H1-7: variants seen among roughly 807,000 people sequenced by gnomAD.
H1-7 encodes the protein H1.7 linker histone, also known as testis-specific H1 histone.
In H1-7, 1 loss-of-function variant was observed where a neutral mutation model predicts 0.3. The observed-to-expected ratio is 3.06, with a 90% CI of 1.09 to 14.53. H1-7 has a LOEUF of 14.53. Among genes scored for constraint, H1-7 ranks in the 30% most tolerant of loss-of-function variants. H1-7 has a pLI of 0.12. For synonymous variants in H1-7, 177 were observed against 153.2 expected, an observed-to-expected ratio of 1.16 and a Z score of -1.15; for missense variants, 393 against 353.1, an observed-to-expected ratio of 1.11 and a Z score of -0.91.
Position 48,329,028 on chromosome 12 carries a change from T to C in H1-7, c.-264T>C. On this transcript the variant is annotated 5_prime_UTR_variant, in exon 1 of 1. Transcript: ENST00000335017. ...TGCAGGACCACATACACACACAAAA[T>C]AGCCGACTAAAGAAAGCGGTGGAGA... The C allele has an allele frequency of 8.8e-6, 4 of 454,600 alleles. No homozygotes were observed. Among genetic ancestry groups the C allele is most frequent in the Non-Finnish European group, 1.5e-5 (4 of 258,560 alleles). The allele number at this position is 454,600 out of a possible 1,614,324, so 28.2% of individuals were successfully genotyped here. A position where few individuals can be genotyped will look rare whatever the true frequency, so the allele number is the denominator to read the frequency against.
rs775913130 is a variant in H1-7 at position 48,329,587 on chromosome 12, C to T, written c.296C>T (p.Ala99Val). Residue 99 changes from alanine to valine, a missense_variant, in exon 1 of 1, where the codon GCG (alanine) becomes GTG (valine). Physicochemically the swap from Ala to Val is moderately conservative, Grantham distance 64. Transcript: ENST00000335017. ...EVRRKSGRHE[A>V]PRGQAKATLL... is the part of the protein sequence containing the mutation. ...CGCAGGAAGAGCGGCCGCCACGAAGCGCCCAGGGGGCAGGCCAAGGCCACG... is the reference window on the plus strand; with the variant it reads ...CGCAGGAAGAGCGGCCGCCACGAAGTGCCCAGGGGGCAGGCCAAGGCCACG... 57 of 1,612,882 alleles carry T rather than the reference C, an allele frequency of 3.5e-5. No individual in the cohort carries two copies. Among genetic ancestry groups the T allele is most frequent in the African/African-American group, 8.0e-5 (6 of 74,912 alleles).
At position 48,329,868 on chromosome 12, in the gene H1-7, A is replaced by C; in HGVS notation, c.577A>C (p.Arg193=). ...CAGGGCGAGGAGGACCAGGAGGGCAAGGCCGAGAGCCAAGGAGCCGCCGTG... is the reference window on the plus strand; with the variant it reads ...CAGGGCGAGGAGGACCAGGAGGGCACGGCCGAGAGCCAAGGAGCCGCCGTG... ...NARARRTRRA[R]PRAKEPPCAR... Residue 193 remains arginine (R), a synonymous_variant, in exon 1 of 1, where the codon AGG becomes CGG. Coordinates refer to ENST00000335017, the MANE Select transcript of H1-7 (RefSeq NM_181788.1). 6.3e-7 allele frequency: 1 copy of C among 1,589,398 alleles called. No individual in the cohort carries two copies.
Position 48,329,010 on chromosome 12 carries a change from C to G in H1-7, c.-282C>G, listed in dbSNP as rs547781096. ...AACTGTGGGTAGATGGTTTGCAGGACCACATACACACACAAAATAGCCGAC... is the reference window on the plus strand; with the variant it reads ...AACTGTGGGTAGATGGTTTGCAGGAGCACATACACACACAAAATAGCCGAC... On this transcript the variant is annotated 5_prime_UTR_variant, in exon 1 of 1. Coordinates refer to ENST00000335017, the MANE Select transcript of H1-7 (RefSeq NM_181788.1). 2 of 403,840 alleles carry G rather than the reference C, an allele frequency of 5.0e-6. No individual in the cohort carries two copies. The highest frequency in any genetic ancestry group is 4.2e-5 in the African/African-American group (2 of 47,952). The allele number at this position is 403,840 out of a possible 1,614,324, so 25.0% of individuals were successfully genotyped here.
At position 48,329,878 on chromosome 12, in the gene H1-7, C is replaced by A; in HGVS notation, c.587C>A (p.Ala196Asp). 6.3e-7 allele frequency: 1 copy of A among 1,589,570 alleles called. No individual in the cohort carries two copies. The highest frequency in any genetic ancestry group is 2.3e-5 in the East Asian group (1 of 43,838). ...AGGACCAGGAGGGCAAGGCCGAGAG[C>A]CAAGGAGCCGCCGTGTGCCAGAGCC... Reference protein sequence around the residue: ...ARRTRRARPRAKEPPCARAKE... With the variant: ...ARRTRRARPRDKEPPCARAKE... Residue 196 changes from alanine (A) to aspartate (D), a missense_variant, in exon 1 of 1, where the codon GCC (alanine) becomes GAC (aspartate). By Grantham distance (126) the Ala-to-Asp change is moderately radical. Transcript: ENST00000335017.
rs1329876393 is a variant in H1-7 at position 48,329,500 on chromosome 12, C to T, written c.209C>T (p.Thr70Ile). The change falls in exon 1 of 1, where the codon ACT (threonine) becomes ATT (isoleucine). Residue 70 changes from threonine to isoleucine, a missense_variant. Thr to Ile is a moderately conservative substitution (Grantham distance 89). Transcript: ENST00000335017. ...VSQLVLQAISTHKGLTLAALK... is the reference protein window; with the variant it reads ...VSQLVLQAISIHKGLTLAALK... The stretch of plus-strand genomic sequence containing the variant: ...CAGTTGGTGCTCCAGGCCATCTCCA[C>T]TCACAAAGGGCTGACTCTGGCAGCT... The T allele has an allele frequency of 1.2e-6, 2 of 1,614,074 alleles. No individual in the cohort carries two copies. Among genetic ancestry groups the T allele is most frequent in the South Asian group, 1.1e-5 (1 of 91,062 alleles).
the H1-7 span, chr12:48,329,817 G>GC: frequency 6.3e-7 from 1 of 1,595,444 alleles, no homozygotes; most frequent in South Asian, 1.1e-5. Flanking sequence ...GAGACGGAAC[G>GC]CGAGGGCGAA....
chr12:48,329,151 A>T lies in H1-7; in HGVS notation c.-141A>T. 1 of 982,932 alleles carries T rather than the reference A, an allele frequency of 1.0e-6. No homozygotes were observed. The highest frequency in any genetic ancestry group is 1.5e-6 in the Non-Finnish European group (1 of 680,918). 60.9% of individuals were successfully genotyped at this position (982,932 alleles called of 1,614,324 possible). On this transcript the variant is annotated 5_prime_UTR_variant, in exon 1 of 1. Coordinates refer to ENST00000335017, the MANE Select transcript of H1-7 (RefSeq NM_181788.1). Reference sequence around the variant, plus strand: ...AGGCGCTGAAGACTTGGATTGGTTTAGACCTAGAAGGAAGTGGCATTTGAT... The same window carrying T: ...AGGCGCTGAAGACTTGGATTGGTTTTGACCTAGAAGGAAGTGGCATTTGAT...
In H1-7 at chr12:48,329,550, G is replaced by C; in HGVS notation, c.259G>C (p.Gly87Arg). Residue 87 changes from glycine to arginine, a missense_variant, in exon 1 of 1, where the codon GGC (glycine) becomes CGC (arginine). Transcript: ENST00000335017. Reference protein sequence around the residue: ...AALKKELRNAGYEVRRKSGRH... With the variant: ...AALKKELRNARYEVRRKSGRH... ...TCTCAAGAAGGAGCTCCGAAACGCC[G>C]GCTACGAAGTGCGCAGGAAGAGCGG... The C allele has an allele frequency of 6.2e-7, 1 of 1,613,078 alleles. No individual in the cohort carries two copies. The highest frequency in any genetic ancestry group is 8.5e-7 in the Non-Finnish European group (1 of 1,179,792).
the H1-7 span, chr12:48,329,537 GC>G: frequency 6.2e-7 from 1 of 1,613,622 alleles, no homozygotes; most frequent in Non-Finnish European, 8.5e-7. Context: ...TCAAGAAGGA[GC>G]TCCGAAACGC....
At position 48,329,027 on chromosome 12, in the gene H1-7, A is replaced by C. The variant is rs1952536012; in HGVS notation, c.-265A>C. On this transcript the variant is annotated 5_prime_UTR_variant, in exon 1 of 1. Transcript: ENST00000335017. ...TTGCAGGACCACATACACACACAAA[A>C]TAGCCGACTAAAGAAAGCGGTGGAG... is the stretch of plus-strand genomic sequence containing the variant. 2.2e-6 allele frequency: 1 copy of C among 454,274 alleles called. No homozygotes were observed. The highest frequency in any genetic ancestry group is 3.9e-6 in the Non-Finnish European group (1 of 258,240). The allele number at this position is 454,274 out of a possible 1,614,324, so 28.1% of individuals were successfully genotyped here.
At position 48,329,595 on chromosome 12, in the gene H1-7, G is replaced by C. The variant is rs773733578; in HGVS notation, c.304G>C (p.Gly102Arg). The change falls in exon 1 of 1, where the codon GGG becomes CGG. Residue 102 changes from glycine (G) to arginine (R), a missense_variant. By Grantham distance (125) the Gly-to-Arg change is moderately radical. Transcript: ENST00000335017. ...RKSGRHEAPR[G>R]QAKATLLRVS... The stretch of plus-strand genomic sequence containing the variant: ...GAGCGGCCGCCACGAAGCGCCCAGG[G>C]GGCAGGCCAAGGCCACGCTCCTCCG... 1.9e-6 allele frequency: 3 copies of C among 1,612,974 alleles called. No individual in the cohort carries two copies. The Admixed American group carries it at 5.0e-5, about 27-fold the overall frequency.
In H1-7 at chr12:48,329,536, A is replaced by T. The variant is rs1952542135; in HGVS notation, c.245A>T (p.Glu82Val). The change falls in exon 1 of 1, where the codon GAG becomes GTG. Residue 82 changes from glutamate (E) to valine (V), a missense_variant. Glu to Val is a moderately radical substitution (Grantham distance 121). Coordinates refer to ENST00000335017, the MANE Select transcript of H1-7 (RefSeq NM_181788.1). ...KGLTLAALKK[E>V]LRNAGYEVRR... ...CTGACTCTGGCAGCTCTCAAGAAGGAGCTCCGAAACGCCGGCTACGAAGTG... is the reference window on the plus strand; with the variant it reads ...CTGACTCTGGCAGCTCTCAAGAAGGTGCTCCGAAACGCCGGCTACGAAGTG... The T allele has an allele frequency of 6.2e-7, 1 of 1,613,576 alleles. No individual in the cohort carries two copies. Among genetic ancestry groups the T allele is most frequent in the Admixed American group, 1.7e-5 (1 of 59,968 alleles).
At position 48,329,191 on chromosome 12, in the gene H1-7, G is replaced by T; in HGVS notation, c.-101G>T. On this transcript the variant is annotated 5_prime_UTR_variant, in exon 1 of 1. Transcript: ENST00000335017. ...TGGCATTTGATTGGTTATTATAAGT[G>T]AAAAGGGCCCCTCCCCGGGTGAGAT... is the stretch of plus-strand genomic sequence containing the variant. 7.3e-7 allele frequency: 1 copy of T among 1,367,908 alleles called. No homozygotes were observed. Among genetic ancestry groups the T allele is most frequent in the East Asian group, 2.5e-5 (1 of 39,466 alleles). The allele number at this position is 1,367,908 out of a possible 1,614,324, so 84.7% of individuals were successfully genotyped here.
chr12:48,329,338 G>A lies in H1-7; in HGVS notation c.47G>A (p.Arg16Lys). 1 of 1,605,124 alleles carries A rather than the reference G, an allele frequency of 6.2e-7. No homozygotes were observed. The highest frequency in any genetic ancestry group is 1.1e-5 in the South Asian group (1 of 89,904). The part of the protein sequence containing the change: ...TGEAQSRWPR[R>K]GGSGAMAEAP... ...GAGGCCCAAAGCCGGTGGCCCCGCA[G>A]AGGCGGGAGTGGGGCCATGGCTGAG... The change falls in exon 1 of 1, where the codon AGA (arginine) becomes AAA (lysine). Residue 16 changes from arginine (R) to lysine (K), a missense_variant. Physicochemically the swap from Arg to Lys is conservative, Grantham distance 26. Coordinates refer to ENST00000335017, the MANE Select transcript of H1-7 (RefSeq NM_181788.1).
chr12:48,329,689 G>C lies in H1-7; in HGVS notation c.398G>C (p.Gly133Ala). 6.2e-7 allele frequency: 1 copy of C among 1,610,936 alleles called. No homozygotes were observed. The highest frequency in any genetic ancestry group is 8.5e-7 in the Non-Finnish European group (1 of 1,179,414). The change falls in exon 1 of 1, where the codon GGA becomes GCA. Residue 133 changes from glycine (G) to alanine (A), a missense_variant. Physicochemically the swap from Gly to Ala is moderately conservative, Grantham distance 60. Coordinates refer to ENST00000335017, the MANE Select transcript of H1-7 (RefSeq NM_181788.1). The part of the protein sequence containing the change: ...WKVPKPRRKP[G>A]RARQEEGTRA... ...GTTCCCAAGCCCAGGAGAAAGCCGG[G>C]ACGCGCGAGGCAAGAGGAGGGCACG...
chr12:48,329,992 G>A lies in H1-7; in HGVS notation c.701G>A (p.Arg234Lys), dbSNP rs578100187. The change falls in exon 1 of 1, where the codon AGG becomes AAG. Residue 234 changes from arginine to lysine, a missense_variant. Arg to Lys is a conservative substitution (Grantham distance 26, BLOSUM62 2). Transcript: ENST00000335017. ...DTTPRSGKDK[R>K]RSSKPREEKQ... ...ACGCCGAGGTCAGGGAAGGACAAGA[G>A]GCGAAGCTCCAAGCCCAGGGAAGAG... 10 of 1,613,880 alleles carry A rather than the reference G, an allele frequency of 6.2e-6. 1 individual carries two copies. In the South Asian group the frequency reaches 1.1e-4, roughly 18 times the overall value.
Position 48,330,221 on chromosome 12 carries a change from C to T in H1-7, c.*162C>T, listed in dbSNP as rs1325285207. 1.3e-6 allele frequency: 1 copy of T among 762,272 alleles called. No homozygotes were observed. The highest frequency in any genetic ancestry group is 2.1e-6 in the Non-Finnish European group (1 of 475,656). The allele number at this position is 762,272 out of a possible 1,614,324, so 47.2% of individuals were successfully genotyped here. A position where few individuals can be genotyped will look rare whatever the true frequency, so the allele number is the denominator to read the frequency against. On this transcript the variant is annotated 3_prime_UTR_variant, in exon 1 of 1. Transcript: ENST00000335017. Reference sequence around the variant, plus strand: ...CCACCACGGACCAATGCCTTTCCCCCATAGGCCCCAAGAAGAGCGGCTGTC... The same window carrying T: ...CCACCACGGACCAATGCCTTTCCCCTATAGGCCCCAAGAAGAGCGGCTGTC...
chr12:48,330,154 C>T lies in H1-7; in HGVS notation c.*95C>T. 5 of 1,359,298 alleles carry T rather than the reference C, an allele frequency of 3.7e-6. No homozygotes were observed. Among genetic ancestry groups the T allele is most frequent in the Non-Finnish European group, 4.9e-6 (5 of 1,014,160 alleles). The allele number at this position is 1,359,298 out of a possible 1,614,324, so 84.2% of individuals were successfully genotyped here. A position where few individuals can be genotyped will look rare whatever the true frequency, so the allele number is the denominator to read the frequency against. ...ACCTCCCCTAAATCTGAAGGTCTTCCTGATCCAGTTGGGAATGCATCTTGT... is the reference window on the plus strand; with the variant it reads ...ACCTCCCCTAAATCTGAAGGTCTTCTTGATCCAGTTGGGAATGCATCTTGT... On this transcript the variant is annotated 3_prime_UTR_variant, in exon 1 of 1. Transcript: ENST00000335017.
rs771649035 is a variant in H1-7, at chr12:48,329,737, C to G, written c.446C>G (p.Ala149Gly). The G allele has an allele frequency of 6.2e-7, 1 of 1,603,594 alleles. No homozygotes were observed. The highest frequency in any genetic ancestry group is 8.5e-7 in the Non-Finnish European group (1 of 1,176,442). ...ACGCGCGCTCCCTGGAGGACCCCAG[C>G]CGCGCCCCGGAGCTCCCGGAGGCGC... is the stretch of plus-strand genomic sequence containing the variant. ...EGTRAPWRTP[A>G]APRSSRRRRQ... Residue 149 changes from alanine (A) to glycine (G), a missense_variant, in exon 1 of 1, where the codon GCC (alanine) becomes GGC (glycine). By Grantham distance (60) the Ala-to-Gly change is moderately conservative. Coordinates refer to ENST00000335017, the MANE Select transcript of H1-7 (RefSeq NM_181788.1).
Sources: allele counts gnomAD v4.1 joint callset, GRCh38; gene constraint gnomAD v4.1.1; transcripts MANE v1.5; gene names NCBI Gene and HGNC (gene_info 2026-07-23, HGNC 2026-07-21).